Variants in BLOC1S2 observed in about 807,000 individuals in gnomAD.
The protein encoded by BLOC1S2 is biogenesis of lysosomal organelles complex 1 subunit 2, also known as biogenesis of lysosome-related organelles complex 1 subunit 2.
A neutral mutation model predicts 19.6 loss-of-function variants in BLOC1S2; 12 were observed. The observed-to-expected ratio is 0.61, with a 90% CI of 0.39 to 0.99. The LOEUF is 0.99. BLOC1S2 is among the 50% of genes least tolerant of loss of function. BLOC1S2 has a pLI of 0.00. For synonymous variants in BLOC1S2, 66 were observed against 64.1 expected (o/e 1.03, Z -0.14); for missense variants, 142 against 171.0 (o/e 0.83, Z 0.95).
rs182072125 is a variant in BLOC1S2 at position 100,273,947 on chromosome 10, T to G, written c.*1515A>C. On this transcript the variant is annotated 3_prime_UTR_variant, in exon 5 of 5. Transcript: ENST00000370372. ...TAGAGTTACAGTTTAATTCTTTTGT[T>G]TTTTATTTAAGAAAAATGTTTAAAT... The G allele has an allele frequency of 3.3e-5, 5 of 152,302 alleles. No homozygotes were observed. The highest frequency in any genetic ancestry group is 3.9e-4 in the East Asian group (2 of 5,186). 9.4% of individuals were successfully genotyped at this position (152,302 alleles called of 1,614,324 possible).
Position 100,274,161 on chromosome 10 carries a change from G to A in BLOC1S2, c.*1301C>T, listed in dbSNP as rs1255182300. On this transcript the variant is annotated 3_prime_UTR_variant, in exon 5 of 5. Coordinates refer to ENST00000370372, the MANE Select transcript of BLOC1S2 (RefSeq NM_173809.5). ...AGTCCCAGCTATTCAGGAGGCTGAG[G>A]TGGGAAGATCAGTTGAGCCTAGGAG... is the stretch of plus-strand genomic sequence containing the variant. 6.6e-6 allele frequency: 1 copy of A among 152,108 alleles called. No individual in the cohort carries two copies. Among genetic ancestry groups the A allele is most frequent in the African/African-American group, 2.4e-5 (1 of 41,398 alleles). The allele number at this position is 152,108 out of a possible 1,614,324, so 9.4% of individuals were successfully genotyped here. A position where few individuals can be genotyped will look rare whatever the true frequency, so the allele number is the denominator to read the frequency against.
At chr10:100,276,778 G>A (rs1273455017) in intron 4 of BLOC1S2, among the ~76,000 whole-genome samples, 2 of 151,420 alleles carry the variant, frequency 1.3e-5, no homozygotes, top group African/African-American at 4.8e-5. Context: ...TGCCGGGATT[G>A]CAGACGGAGT....
chr10:100,277,802 C>G (rs1315296853), intron 4 of BLOC1S2, among the ~76,000 whole-genome samples: 1 of 132,664 alleles, frequency 7.5e-6, no homozygotes, highest in African/African-American at 2.9e-5. Flanking sequence ...AGCCCCTCTG[C>G]CCGGCCAGCC....
intron 2 of BLOC1S2, 70 bp downstream of exon 2, chr10:100,286,027 T>A (rs1046594573): frequency 6.3e-7 from 1 of 1,577,942 alleles, no homozygotes; most frequent in Admixed American, 1.7e-5. Flanking sequence ...AGCTGCAGAC[T>A]GATGCTGCTA....
chr10:100,285,603 G>C (rs1264347050), intron 2 of BLOC1S2, among the ~76,000 whole-genome samples: 1 of 152,170 alleles, frequency 6.6e-6, no homozygotes, highest in Non-Finnish European at 1.5e-5. Flanking sequence ...TGTCCACTTG[G>C]AAACGATCAA....
intron 4 of BLOC1S2, among the ~76,000 whole-genome samples, chr10:100,277,675 C>G (rs1847949510): frequency 7.1e-6 from 1 of 141,282 alleles, no homozygotes; most frequent in Admixed American, 6.8e-5. Flanking sequence ...AGCCCCCCCG[C>G]CCGGCCAGCC....
In BLOC1S2 at chr10:100,274,127, C is replaced by G. The variant is rs1847794022; in HGVS notation, c.*1335G>C. ...AAATAATTAGCAAGGCATGGTGGAG[C>G]GTGCTGGTAGTCCCAGCTATTCAGG... On this transcript the variant is annotated 3_prime_UTR_variant, in exon 5 of 5. Coordinates refer to ENST00000370372, the MANE Select transcript of BLOC1S2 (RefSeq NM_173809.5). 6.6e-6 allele frequency: 1 copy of G among 152,006 alleles called. No homozygotes were observed. The highest frequency in any genetic ancestry group is 2.1e-4 in the South Asian group (1 of 4,810). 9.4% of individuals were successfully genotyped at this position (152,006 alleles called of 1,614,324 possible). A position where few individuals can be genotyped will look rare whatever the true frequency, so the allele number is the denominator to read the frequency against.
chr10:100,276,804 C>T (rs2134350345), intron 4 of BLOC1S2, among the ~76,000 whole-genome samples: 2 of 151,896 alleles, frequency 1.3e-5, no homozygotes, highest in South Asian at 4.2e-4. Flanking sequence ...TCACTCAGTG[C>T]TCAATGGTGC....
At position 100,280,122 on chromosome 10, in the gene BLOC1S2, AC is replaced by A; in HGVS notation, c.397+1del. On this transcript the variant is annotated splice_donor_variant, in intron 4 of 4. Transcript: ENST00000370372. LOFTEE classifies it high-confidence loss of function. ...CATCAAAACAGAAGTAAAAACGGTT[AC>A]CCAGTTTTTTTGAATATGCATCCAA... The A allele has an allele frequency of 6.2e-7, 1 of 1,610,296 alleles. No homozygotes were observed.
chr10:100,286,576 G>A (rs902419185), intron 1 of BLOC1S2, 29 bp downstream of exon 1: 1 of 1,612,260 alleles, frequency 6.2e-7, no homozygotes, highest in Non-Finnish European at 8.5e-7. Flanking sequence ...CCCCCCACCG[G>A]ACGCTTCCTC....
intron 2 of BLOC1S2, among the ~76,000 whole-genome samples, chr10:100,285,764 A>G (rs911520758): frequency 1.3e-5 from 2 of 152,178 alleles, no homozygotes; most frequent in Non-Finnish European, 1.5e-5. Context: ...CTGCTTGCAC[A>G]TACCACCTCA....
At chr10:100,281,500 T>G (rs1479055821) in intron 2 of BLOC1S2, among the ~76,000 whole-genome samples, 1 of 151,890 alleles carries the variant, frequency 6.6e-6, no homozygotes, top group African/African-American at 2.4e-5. Context: ...CTGGCCAAGA[T>G]AGTGAAACCC....
intron 4 of BLOC1S2, among the ~76,000 whole-genome samples, chr10:100,278,109 G>C (rs1847982709): frequency 8.3e-6 from 1 of 120,816 alleles, no homozygotes; most frequent in Non-Finnish European, 1.9e-5. Context: ...AGGGAGGTGG[G>C]GGGGCGGTCA....
rs139127262 is a variant in BLOC1S2, at chr10:100,280,195, T to C, written c.326A>G (p.Asn109Ser). ...AGLQPYLDQI[N>S]VIEEQVAALE... ...AGCTGCTACCTGCTCTTCAATGACA[T>C]TGATCTGATCCAGATAAGGCTGCAG... The change falls in exon 4 of 5, where the codon AAT becomes AGT. Residue 109 changes from asparagine (N) to serine (S), a missense_variant. Physicochemically the swap from Asn to Ser is conservative, Grantham distance 46. This residue lies in a region of BLOC1S2 where 94 missense variants were observed against 141.3 expected (regional missense o/e 0.67). Transcript: ENST00000370372. The C allele has an allele frequency of 6.2e-7, 1 of 1,612,652 alleles. No homozygotes were observed. The highest frequency in any genetic ancestry group is 1.3e-5 in the African/African-American group (1 of 74,870).
intron 2 of BLOC1S2, among the ~76,000 whole-genome samples, chr10:100,285,713 C>A (rs1371321686): frequency 6.6e-6 from 1 of 152,198 alleles, no homozygotes; most frequent in East Asian, 1.9e-4. Flanking sequence ...TTTCATTTCT[C>A]TTTATCCCGG....
chr10:100,279,747 C>T lies in BLOC1S2; in HGVS notation c.397+377G>A, dbSNP rs149955534. Among the ~76,000 whole-genome samples the T allele has an allele frequency of 9.9e-3, 1,512 of 152,216 alleles. 25 individuals carry two copies. Among genetic ancestry groups the T allele is most frequent in the African/African-American group, 0.034 (1,425 of 41,518 alleles). On this transcript the variant is annotated intron_variant, in intron 4 of 4. Coordinates refer to ENST00000370372, the MANE Select transcript of BLOC1S2 (RefSeq NM_173809.5). The stretch of plus-strand genomic sequence containing the variant: ...ACAAAATTAGCCAGGCGTGGTGGCG[C>T]GCCTGTAATCCCAGCTACTCGGGGG...
At chr10:100,286,453 CCT>C in intron 1 of BLOC1S2, 150 bp downstream of exon 1, 1 of 1,480,676 alleles carries the variant, frequency 6.8e-7, no homozygotes, top group Non-Finnish European at 9.0e-7. Context: ...TCCCAGTCAC[CCT>C]GACAGGACAA....
At chr10:100,281,545 G>A (rs572825815) in intron 2 of BLOC1S2, among the ~76,000 whole-genome samples, 32 of 151,938 alleles carry the variant, frequency 2.1e-4, no homozygotes, top group African/African-American at 6.8e-4. Context: ...ATTAGCGGGC[G>A]TGGTGGCAGG....
At chr10:100,285,940 G>T (rs1848223138) in intron 2 of BLOC1S2, among the ~76,000 whole-genome samples, 157 bp downstream of exon 2, 1 of 152,160 alleles carries the variant, frequency 6.6e-6, no homozygotes. Context: ...CTGCAGAGTT[G>T]TATTTTCTTT....
Sources: allele counts gnomAD v4.1 joint callset (sites outside exome capture counted in the v4.1 genomes callset), GRCh38; gene constraint gnomAD v4.1.1; regional missense constraint gnomAD v4.1.1; transcripts MANE v1.5; gene names NCBI Gene and HGNC (gene_info 2026-07-23, HGNC 2026-07-21).